The following RFX8 variants were observed in gnomAD, a reference collection of about 807,000 sequenced individuals.
RFX8 encodes the protein DNA-binding protein RFX8.
Under a neutral mutation model 54.6 loss-of-function variants are expected in RFX8, and 46 were observed. The observed-to-expected ratio is 0.84, with a 90% confidence interval of 0.67 to 1.08. The LOEUF (loss-of-function observed/expected upper bound fraction) is 1.08, where lower values mean the gene tolerates loss of function less well. Ranked by LOEUF, RFX8 falls within the 50% of genes least tolerant of loss-of-function variation. The pLI, the probability that RFX8 is intolerant of heterozygous loss-of-function variation, is 0.00. For missense variants in RFX8, 536 were observed against 562.3 expected (o/e 0.95, Z 0.47); for synonymous variants, 192 against 209.5 (o/e 0.92, Z 0.72).
At position 101,409,099 on chromosome 2, in the gene RFX8, A is replaced by C. The variant is rs560293488; in HGVS notation, c.813+1520T>G. On this transcript the variant is annotated intron_variant, in intron 9 of 11. Coordinates refer to ENST00000428343, the MANE Select transcript of RFX8 (RefSeq NM_001145664.2). ...CTTATTTTAATCCTGCACATGCTTCATATCCCAGTTTTAAGTCCCACCTTC... is the reference window on the plus strand; with the variant it reads ...CTTATTTTAATCCTGCACATGCTTCCTATCCCAGTTTTAAGTCCCACCTTC... Among the ~76,000 whole-genome samples the C allele has an allele frequency of 7.2e-5, 11 of 152,240 alleles. No homozygotes were observed. In the South Asian group the frequency reaches 2.3e-3, roughly 32 times the overall value.
At chr2:101,464,269 G>C (rs946544342) in intron 2 of RFX8, among the ~76,000 whole-genome samples, 1 of 152,168 alleles carries the variant, frequency 6.6e-6, no homozygotes, top group Non-Finnish European at 1.5e-5. Context: ...TTCCTACAAA[G>C]GGGATGTAGT....
chr2:101,419,405 G>T (rs1686726187), intron 4 of RFX8, among the ~76,000 whole-genome samples: 1 of 152,206 alleles, frequency 6.6e-6, no homozygotes, highest in Non-Finnish European at 1.5e-5. Flanking sequence ...CATCAAGTTA[G>T]AAGTCACCTA....
chr2:101,461,006 C>T (rs1284216989), intron 2 of RFX8, among the ~76,000 whole-genome samples: 1 of 151,216 alleles, frequency 6.6e-6, no homozygotes, highest in Non-Finnish European at 1.5e-5. Flanking sequence ...CGGTGGCTCA[C>T]GCCTGTAATC....
chr2:101,401,230 T>C (rs1025038642), intron 11 of RFX8, among the ~76,000 whole-genome samples: 5 of 152,164 alleles, frequency 3.3e-5, no homozygotes, highest in African/African-American at 1.2e-4. Flanking sequence ...AGAGAACTGG[T>C]AAACCTGAGA....
intron 7 of RFX8, among the ~76,000 whole-genome samples, chr2:101,413,459 G>T (rs1303446913): frequency 2.0e-5 from 3 of 152,196 alleles, no homozygotes; most frequent in Admixed American, 2.0e-4. Context: ...GAAGCTGGCT[G>T]TCCCTTCCTC....
chr2:101,405,161 C>T (rs908126), intron 10 of RFX8, among the ~76,000 whole-genome samples: 70,418 of 143,096 alleles, frequency 0.49, 17,089 homozygotes, highest in Non-Finnish European at 0.53. Context: ...TTTTTTTTTT[C>T]TTGAGGTGAA....
intron 6 of RFX8, among the ~76,000 whole-genome samples, chr2:101,417,209 A>G (rs781007194): frequency 7.9e-5 from 12 of 152,132 alleles, no homozygotes; most frequent in South Asian, 4.2e-4. Context: ...TTATTTATGT[A>G]TTTCTTTACT....
intron 6 of RFX8, among the ~76,000 whole-genome samples, chr2:101,415,359 G>A (rs1686431719): frequency 6.6e-6 from 1 of 152,182 alleles, no homozygotes; most frequent in Non-Finnish European, 1.5e-5. Context: ...GAACTAGTAA[G>A]CAGACCTTCC....
Position 101,397,660 on chromosome 2 carries a change from C to T in RFX8, c.1310G>A (p.Gly437Glu), listed in dbSNP as rs1685203894. ...ESAVKLSLPM[G>E]QEALITLKDG... ...TTTTAGGGTTATGAGGGCTTCTTGTCCCATAGGAAGGCTGAGTTTAACTGC... is the reference window on the plus strand; with the variant it reads ...TTTTAGGGTTATGAGGGCTTCTTGTTCCATAGGAAGGCTGAGTTTAACTGC... The change falls in exon 12 of 12, where the codon GGA becomes GAA. Residue 437 changes from glycine (G) to glutamate (E), a missense_variant. Transcript: ENST00000428343. 2.6e-6 allele frequency: 4 copies of T among 1,551,172 alleles called. No individual in the cohort carries two copies. Among genetic ancestry groups the T allele is most frequent in the Non-Finnish European group, 3.5e-6 (4 of 1,146,826 alleles).
At position 101,474,927 on chromosome 2, in the gene RFX8, TGGACTTCTA is replaced by T. The variant is rs1356209635; in HGVS notation, c.-353_-345del. Among the ~76,000 whole-genome samples the T allele has an allele frequency of 3.3e-5, 5 of 152,182 alleles. No homozygotes were observed. Among genetic ancestry groups the T allele is most frequent in the Non-Finnish European group, 5.9e-5 (4 of 68,026 alleles). On this transcript the variant is annotated 5_prime_UTR_variant, in exon 1 of 12. Coordinates refer to ENST00000428343, the MANE Select transcript of RFX8 (RefSeq NM_001145664.2). ...GAGCTCTCTGGCAGGCGGGCGCATC[TGGACTTCTA>T]GGAGGCTGGTCCCAGGTGACTCCAG...
At chr2:101,422,684 C>G (rs1393312140) in intron 2 of RFX8, among the ~76,000 whole-genome samples, 1 of 152,176 alleles carries the variant, frequency 6.6e-6, no homozygotes, top group Non-Finnish European at 1.5e-5. Flanking sequence ...CGATGGCCAT[C>G]AGGGAAGGGA....
rs560999855 is a variant in RFX8 at position 101,412,042 on chromosome 2, C to A, written c.718+873G>T. Among the ~76,000 whole-genome samples the A allele has an allele frequency of 4.6e-5, 7 of 152,192 alleles. No individual in the cohort carries two copies. In the East Asian group the frequency reaches 1.4e-3, roughly 29 times the overall value. ...CCTGAAGGGGTTCATAGGAACTGAG[C>A]GGGCAGCTGTAGACACAGCTGAGAG... On this transcript the variant is annotated intron_variant, in intron 8 of 11. Transcript: ENST00000428343.
intron 8 of RFX8, among the ~76,000 whole-genome samples, chr2:101,412,372 A>G (rs1686190468): frequency 6.6e-6 from 1 of 152,220 alleles, no homozygotes; most frequent in Admixed American, 6.5e-5. Flanking sequence ...CTTGAAAAAC[A>G]ATGACAATGA....
intron 2 of RFX8, chr2:101,429,157 C>A: frequency 6.9e-6 from 4 of 575,728 alleles, no homozygotes; most frequent in Non-Finnish European, 1.2e-5. Flanking sequence ...ATGTTTCTAT[C>A]CACGAATGGT....
At chr2:101,463,820 A>G (rs1270151810) in intron 2 of RFX8, among the ~76,000 whole-genome samples, 1 of 152,194 alleles carries the variant, frequency 6.6e-6, no homozygotes, top group Non-Finnish European at 1.5e-5. Context: ...GAGGGAGGGA[A>G]GAAGCCCAGG....
chr2:101,410,995 C>T (rs1686092623), intron 8 of RFX8, among the ~76,000 whole-genome samples: 1 of 152,242 alleles, frequency 6.6e-6, no homozygotes, highest in Admixed American at 6.5e-5. Flanking sequence ...TTGCAATTAT[C>T]CAGACCTTGT....
intron 1 of RFX8, among the ~76,000 whole-genome samples, chr2:101,470,330 AG>A (rs1467516092): frequency 6.6e-6 from 1 of 152,212 alleles, no homozygotes; most frequent in Non-Finnish European, 1.5e-5. Flanking sequence ...TGATGTTGGC[AG>A]AGTGGCTACA....
At chr2:101,422,266 T>A in intron 3 of RFX8, 96 bp downstream of exon 3, 1 of 694,450 alleles carries the variant, frequency 1.4e-6, no homozygotes, top group Non-Finnish European at 2.6e-6. Flanking sequence ...TTATTCCATG[T>A]GACACAATCA....
At chr2:101,446,727 C>T (rs949480882) in intron 2 of RFX8, among the ~76,000 whole-genome samples, 2 of 148,424 alleles carry the variant, frequency 1.3e-5, no homozygotes, top group African/African-American at 2.5e-5. Flanking sequence ...TGCCGAGTGC[C>T]TGCCTAGTTA....
Sources: gnomAD v4.1 joint callset for allele counts (sites outside exome capture counted in the v4.1 genomes callset) on GRCh38, gnomAD v4.1.1 for gene constraint, MANE v1.5 for transcripts, NCBI Gene and HGNC (gene_info 2026-07-23, HGNC 2026-07-21) for gene names.